The following PTPRK variants were observed in gnomAD, a reference collection of about 807,000 sequenced individuals.
The protein encoded by PTPRK is protein tyrosine phosphatase receptor type K.
In PTPRK, 75 loss-of-function variants were observed where a neutral mutation model predicts 178.0. The ratio of observed to expected loss-of-function variants is 0.42; its 90% CI spans 0.35 to 0.51. PTPRK has a LOEUF of 0.51. Among genes scored for constraint, PTPRK ranks in the 20% least tolerant of loss-of-function variants. The pLI is 0.02. For missense variants in PTPRK, 1,441 were observed against 1,797.8 expected, an observed-to-expected ratio of 0.80 and a Z score of 3.59; for synonymous variants, 637 against 620.6, an observed-to-expected ratio of 1.03 and a Z score of -0.39.
chr6:128,001,219 T>C, intron 15 of PTPRK: 3 of 1,534,242 alleles, frequency 2.0e-6, no homozygotes, highest in Non-Finnish European at 2.6e-6. Flanking sequence ...TTAAACCCAA[T>C]GAAGCAGTAA....
chr6:128,013,431 T>C (rs535408388), intron 13 of PTPRK, among the ~76,000 whole-genome samples: 6 of 151,598 alleles, frequency 4.0e-5, no homozygotes, highest in Non-Finnish European at 8.9e-5. Context: ...ATGTGATTAA[T>C]ATGTCTTCAC....
At chr6:128,076,140 A>T (rs189342941) in intron 11 of PTPRK, among the ~76,000 whole-genome samples, 1 of 152,136 alleles carries the variant, frequency 6.6e-6, no homozygotes, top group African/African-American at 2.4e-5. Context: ...CTTCAAGTAC[A>T]TTTGAAGTGA....
chr6:128,254,586 G>A (rs1816986674), intron 3 of PTPRK, among the ~76,000 whole-genome samples: 1 of 152,126 alleles, frequency 6.6e-6, no homozygotes. Flanking sequence ...CTTTGCAGAA[G>A]ATGAACTCAA....
intron 13 of PTPRK, among the ~76,000 whole-genome samples, chr6:128,049,085 C>A (rs1028874230): frequency 6.6e-6 from 1 of 151,898 alleles, no homozygotes; most frequent in African/African-American, 2.4e-5. Flanking sequence ...TAAAAAAAAC[C>A]TCTTTCACCA....
rs920982579 is a variant in PTPRK, at chr6:127,970,824, A to T, written c.4270-544T>A. 7.2e-5 allele frequency among the ~76,000 whole-genome samples: 11 copies of T among 152,240 alleles called. No homozygotes were observed. The South Asian group carries it at 2.1e-3, about 29-fold the overall frequency. The stretch of plus-strand genomic sequence containing the variant: ...CAATTCTTTTTCCATGTTATTTAAC[A>T]TCTTTTAATACCACATAAAAATCAA... On this transcript the variant is annotated intron_variant, in intron 29 of 29. Coordinates refer to ENST00000368226, the MANE Select transcript of PTPRK (RefSeq NM_002844.4).
chr6:128,049,567 C>G (rs1778648802), intron 13 of PTPRK, among the ~76,000 whole-genome samples: 1 of 151,616 alleles, frequency 6.6e-6, no homozygotes, highest in African/African-American at 2.4e-5. Context: ...ATTGAAATGC[C>G]TCTTTTGTTA....
intron 6 of PTPRK, among the ~76,000 whole-genome samples, chr6:128,211,700 T>G (rs752480606): frequency 6.6e-6 from 1 of 152,128 alleles, no homozygotes; most frequent in African/African-American, 2.4e-5. Flanking sequence ...AAAGATGTAC[T>G]GCTTAAGTGG....
chr6:128,326,631 T>A (rs1829607724), intron 2 of PTPRK, among the ~76,000 whole-genome samples: 1 of 152,194 alleles, frequency 6.6e-6, no homozygotes. Context: ...TACATATTTG[T>A]GTTAAATAAT....
intron 1 of PTPRK, among the ~76,000 whole-genome samples, chr6:128,468,921 C>CAAAAAA (rs375371831): frequency 1.3e-4 from 12 of 90,570 alleles, no homozygotes; most frequent in South Asian, 7.9e-4. Context: ...AACACCTTTT[C>CAAAAAA]AAAAAAAAAA....
At chr6:128,184,839 A>C (rs747609552) in intron 6 of PTPRK, 114 bp from the exon 7 acceptor site, 203 of 1,087,146 alleles carry the variant, frequency 1.9e-4, no homozygotes, top group Admixed American at 4.8e-4. Flanking sequence ...ATGCATAATA[A>C]ATACTTGAAA....
At chr6:128,120,359 T>C (rs1792261733) in intron 7 of PTPRK, among the ~76,000 whole-genome samples, 1 of 151,996 alleles carries the variant, frequency 6.6e-6, no homozygotes, top group Non-Finnish European at 1.5e-5. Flanking sequence ...CTTCTGAATG[T>C]TTCCAATCTA....
chr6:128,182,592 A>C (rs929952796), intron 7 of PTPRK, among the ~76,000 whole-genome samples: 1 of 152,138 alleles, frequency 6.6e-6, no homozygotes, highest in African/African-American at 2.4e-5. Flanking sequence ...GTGTAAGTTA[A>C]CTATCCTCAT....
intron 7 of PTPRK, among the ~76,000 whole-genome samples, chr6:128,146,812 C>G (rs1796567091): frequency 6.6e-6 from 1 of 152,088 alleles, no homozygotes; most frequent in African/African-American, 2.4e-5. Flanking sequence ...CTGCAAATAT[C>G]ACATAAGACA....
At chr6:128,333,159 C>T (rs1830488563) in intron 2 of PTPRK, among the ~76,000 whole-genome samples, 1 of 152,088 alleles carries the variant, frequency 6.6e-6, no homozygotes, top group Non-Finnish European at 1.5e-5. Context: ...TTGAAATGAA[C>T]AATTAAAGGT....
Position 127,985,630 on chromosome 6 carries a change from C to T in PTPRK, c.3251+91G>A, listed in dbSNP as rs947248873. 1.2e-5 allele frequency: 16 copies of T among 1,355,034 alleles called. No individual in the cohort carries two copies. The African/African-American group carries it at 2.2e-4, about 18-fold the overall frequency. 83.9% of individuals were successfully genotyped at this position (1,355,034 alleles called of 1,614,324 possible). A position where few individuals can be genotyped will look rare whatever the true frequency, so the allele number is the denominator to read the frequency against. Reference sequence around the variant, plus strand: ...TACAAGCAAGCTGGAACTTCGTAAGCACACATTAGTTTTTGTGCTCAAAAG... The same window carrying T: ...TACAAGCAAGCTGGAACTTCGTAAGTACACATTAGTTTTTGTGCTCAAAAG... On this transcript the variant is annotated intron_variant, in intron 22 of 29. Coordinates refer to ENST00000368226, the MANE Select transcript of PTPRK (RefSeq NM_002844.4).
intron 3 of PTPRK, among the ~76,000 whole-genome samples, chr6:128,312,609 A>G (rs556218375): frequency 6.6e-6 from 1 of 152,282 alleles, no homozygotes; most frequent in South Asian, 2.1e-4. Flanking sequence ...TTGTTTAATT[A>G]TGGCATTTTC....
chr6:128,049,359 T>C (rs1778616786), intron 13 of PTPRK, among the ~76,000 whole-genome samples: 2 of 152,162 alleles, frequency 1.3e-5, no homozygotes, highest in Admixed American at 6.5e-5. Flanking sequence ...CAATTTCCCA[T>C]ACCATTGGTT....
chr6:128,252,542 A>G (rs1301202441), intron 3 of PTPRK, among the ~76,000 whole-genome samples: 1 of 152,238 alleles, frequency 6.6e-6, no homozygotes, highest in Non-Finnish European at 1.5e-5. Context: ...CTTTAACAAA[A>G]TAAACCCACA....
chr6:128,488,361 C>G (rs774509859), intron 1 of PTPRK, among the ~76,000 whole-genome samples: 1 of 152,178 alleles, frequency 6.6e-6, no homozygotes, highest in Non-Finnish European at 1.5e-5. Context: ...CTGACTCAAA[C>G]GTTCATATGC....
Sources: allele counts gnomAD v4.1 joint callset (sites outside exome capture counted in the v4.1 genomes callset), GRCh38; gene constraint gnomAD v4.1.1; transcripts MANE v1.5; gene names NCBI Gene and HGNC (gene_info 2026-07-23, HGNC 2026-07-21).